Variants in HLA-DRB1 observed in about 807,000 individuals in gnomAD.
The protein encoded by HLA-DRB1 is major histocompatibility complex, class II, DR beta 1.
In HLA-DRB1, 10 loss-of-function variants were observed where a neutral mutation model predicts 27.9. The observed-to-expected ratio is 0.36, with a 90% CI of 0.22 to 0.61. The LOEUF is 0.61. Ranked by LOEUF, HLA-DRB1 falls within the 20% of genes least tolerant of loss-of-function variation. The pLI is 0.73. For missense variants in HLA-DRB1, 118 were observed against 306.3 expected (o/e 0.39, Z 4.59); for synonymous variants, 57 against 126.7 (o/e 0.45, Z 3.69).
chr6:32,582,210 T>C lies in HLA-DRB1; in HGVS notation c.371-372A>G, dbSNP rs1775640343. Among the ~76,000 whole-genome samples, 5 of 146,322 alleles carry C rather than the reference T, an allele frequency of 3.4e-5. No homozygotes were observed. In the South Asian group the frequency reaches 1.1e-3, roughly 31 times the overall value. On this transcript the variant is annotated intron_variant, in intron 2 of 5. Transcript: ENST00000360004. Reference sequence around the variant, plus strand: ...TGATCCTGGAAGAGTTTTTTGATTCTTCTGTGTCTCAACTTTGTCACCTAC... The same window carrying C: ...TGATCCTGGAAGAGTTTTTTGATTCCTCTGTGTCTCAACTTTGTCACCTAC...
chr6:32,579,366 G>A (rs9269702), intron 5 of HLA-DRB1, among the ~76,000 whole-genome samples: 43,350 of 67,382 alleles, frequency 0.64, 17,794 homozygotes, highest in Middle Eastern at 0.76. Flanking sequence ...CCATCATTCT[G>A]GTGTGTCCTG....
At chr6:32,580,647 A>G in intron 4 of HLA-DRB1, 99 bp downstream of exon 4, 2 of 1,123,788 alleles carry the variant, frequency 1.8e-6, no homozygotes, top group Non-Finnish European at 1.3e-6. Context: ...GAAAGGCTTT[A>G]TTCAGGGCCA....
chr6:32,582,092 T>G (rs1775619847), intron 2 of HLA-DRB1, among the ~76,000 whole-genome samples: 1 of 93,714 alleles, frequency 1.1e-5, no homozygotes, highest in African/African-American at 4.5e-5. Context: ...TGTCAAACTG[T>G]TTACAAATCT....
intron 4 of HLA-DRB1, 95 bp from the exon 5 acceptor site, chr6:32,580,365 TTC>T (rs3039501): frequency 0.33 from 165,944 of 506,826 alleles, 33,282 homozygotes; most frequent in South Asian, 0.41. Context: ...CACCTGAGAT[TTC>T]TCTAACACCA....
At chr6:32,580,440 G>A (rs1474633484) in intron 4 of HLA-DRB1, among the ~76,000 whole-genome samples, 170 bp from the exon 5 acceptor site, 426 of 121,398 alleles carry the variant, frequency 3.5e-3, no homozygotes, top group East Asian at 6.1e-3. Context: ...GAAGCCTGAA[G>A]TGTCTGTCAC....
At chr6:32,581,119 A>T (rs9269778) in intron 3 of HLA-DRB1, among the ~76,000 whole-genome samples, 1,393 of 60,478 alleles carry the variant, frequency 0.023, 92 homozygotes, top group South Asian at 0.046. Flanking sequence ...CTCAATGAGG[A>T]TAAGTAGTTT....
chr6:32,579,025 C>G lies in HLA-DRB1; in HGVS notation c.*66G>C, dbSNP rs3180799. The G allele has an allele frequency of 9.4e-3, 4,785 of 507,340 alleles. 76 individuals are homozygous for G. Among genetic ancestry groups the G allele is most frequent in the South Asian group, 0.036 (1,321 of 36,326 alleles). 31.4% of individuals were successfully genotyped at this position (507,340 alleles called of 1,614,324 possible). ...CTCTTGTGGAAGAATAACTGCCAAG[C>G]AGGAAAGCTTTTCATCCTGCAAAGC... On this transcript the variant is annotated 3_prime_UTR_variant, in exon 6 of 6. Coordinates refer to ENST00000360004, the Ensembl canonical transcript of HLA-DRB1.
At chr6:32,589,645 C>T (rs17879746) in exon 1 of HLA-DRB1, 44,137 of 811,594 alleles carry the variant, frequency 0.054, 4,843 homozygotes, top group South Asian at 0.09. Flanking sequence ...GCACTTACGT[C>T]GGGTGTCCCC....
chr6:32,582,121 G>T (rs144737207), intron 2 of HLA-DRB1, among the ~76,000 whole-genome samples: 5,987 of 88,130 alleles, frequency 0.068, 33 homozygotes, highest in Middle Eastern at 0.12. Context: ...ACAGAGTGTA[G>T]TAATTAAAAC....
chr6:32,586,942 T>C (rs72850296), intron 1 of HLA-DRB1, among the ~76,000 whole-genome samples: 13,333 of 97,960 alleles, frequency 0.14, 1,738 homozygotes, highest in Admixed American at 0.15. Context: ...ACTTTATCTT[T>C]TTCACCATCT....
chr6:32,584,017 TCACACACACA>T lies in HLA-DRB1; in HGVS notation c.370+82_370+91del, dbSNP rs776532129. 86 of 183,272 alleles carry T rather than the reference TCACACACACA, an allele frequency of 4.7e-4. 5 individuals carry two copies. The highest frequency in any genetic ancestry group is 9.9e-4 in the African/African-American group (9 of 9,046). 11.4% of individuals were successfully genotyped at this position (183,272 alleles called of 1,614,324 possible). ...CTCTCTGTCTCTCTCTGTCTCTCTCTCACACACACACACACACACACACACACACACACAC... is the reference window on the plus strand; with the variant it reads ...CTCTCTGTCTCTCTCTGTCTCTCTCTCACACACACACACACACACACACAC... On this transcript the variant is annotated intron_variant, in intron 2 of 5. Coordinates refer to ENST00000360004, the Ensembl canonical transcript of HLA-DRB1.
chr6:32,585,451 A>G (rs9270023), intron 1 of HLA-DRB1, among the ~76,000 whole-genome samples: 133 of 123,844 alleles, frequency 1.1e-3, no homozygotes, highest in South Asian at 1.4e-3. Flanking sequence ...TAATCCTCAC[A>G]GGATTACCGT....
intron 5 of HLA-DRB1, among the ~76,000 whole-genome samples, chr6:32,579,416 C>CAAGAATGAAGCCACGGA (rs1320933846): frequency 3.2e-5 from 2 of 63,446 alleles, no homozygotes; most frequent in African/African-American, 6.4e-5. Context: ...TCGCTGACTT[C>CAAGAATGAAGCCACGGA]CTGCAGACCT....
chr6:32,587,803 T>C, intron 1 of HLA-DRB1, among the ~76,000 whole-genome samples: 1 of 131,944 alleles, frequency 7.6e-6, no homozygotes, highest in Non-Finnish European at 1.6e-5. Flanking sequence ...AAATGCTTAT[T>C]GGGTTAGTGT....
chr6:32,584,486 A>C, intron 1 of HLA-DRB1, 108 bp from the exon 2 acceptor site: 3 of 652,984 alleles, frequency 4.6e-6, no homozygotes, highest in African/African-American at 1.9e-5. Flanking sequence ...TGGAACCTTA[A>C]CCGGCCCCAC....
At chr6:32,585,479 G>A (rs34812035) in intron 1 of HLA-DRB1, among the ~76,000 whole-genome samples, 1,506 of 65,832 alleles carry the variant, frequency 0.023, no homozygotes, top group East Asian at 0.11. Context: ...AAAATTAAAT[G>A]ATGACACTTC....
chr6:32,581,377 A>AG (rs1775458290), intron 3 of HLA-DRB1, among the ~76,000 whole-genome samples, 180 bp downstream of exon 3: 1 of 78,574 alleles, frequency 1.3e-5, no homozygotes, highest in Non-Finnish European at 2.5e-5. Flanking sequence ...CTGCTTCTCC[A>AG]GGAGGTACAG....
chr6:32,584,562 G>A (rs566656642), intron 1 of HLA-DRB1, among the ~76,000 whole-genome samples, 184 bp from the exon 2 acceptor site: 18,520 of 147,328 alleles, frequency 0.13, 785 homozygotes, highest in Non-Finnish European at 0.14. Context: ...ACGGGGGCCT[G>A]GGGGACCATG....
At chr6:32,581,415 C>CA (rs1775468853) in intron 3 of HLA-DRB1, 142 bp downstream of exon 3, 2 of 293,420 alleles carry the variant, frequency 6.8e-6, no homozygotes, top group Admixed American at 7.4e-5. Flanking sequence ...TACAGGGCTA[C>CA]CCCCAGTGAC....
Sources: gnomAD v4.1 joint callset for allele counts (sites outside exome capture counted in the v4.1 genomes callset) on GRCh38, gnomAD v4.1.1 for gene constraint, MANE v1.5 for transcripts, NCBI Gene and HGNC (gene_info 2026-07-23, HGNC 2026-07-21) for gene names.